Variants in DYNC2LI1 observed in about 807,000 individuals in gnomAD.
The protein encoded by DYNC2LI1 is cytoplasmic dynein 2 light intermediate chain 1.
DYNC2LI1 carries 45 observed loss-of-function variants against 51.9 expected under a neutral mutation model. That is an observed-to-expected ratio of 0.87 (90% CI 0.68 to 1.11). The LOEUF (loss-of-function observed/expected upper bound fraction) is 1.11. DYNC2LI1 is among the 50% of genes most tolerant of loss of function. The probability of loss-of-function intolerance (pLI) is 0.00; values close to 1 mark genes in which losing one functional copy is unlikely to be tolerated. For synonymous variants in DYNC2LI1, 130 were observed against 137.8 expected (o/e 0.94, Z 0.40); for missense variants, 490 against 417.4 (o/e 1.17, Z -1.51).
intron 5 of DYNC2LI1, 82 bp from the exon 6 acceptor site, chr2:43,794,375 T>A (rs995776158): frequency 1.5e-6 from 2 of 1,371,148 alleles, no homozygotes; most frequent in Non-Finnish European, 1.9e-6. Context: ...TTTTAGTTAT[T>A]CTTAGATAAA....
intron 8 of DYNC2LI1, among the ~76,000 whole-genome samples, chr2:43,799,329 C>G (rs371806625): frequency 1.3e-5 from 2 of 151,932 alleles, no homozygotes; most frequent in Admixed American, 6.6e-5. Flanking sequence ...TCCTCGCCCC[C>G]CAAAAGAACA....
intron 8 of DYNC2LI1, among the ~76,000 whole-genome samples, chr2:43,798,412 A>G (rs1487254859): frequency 1.3e-5 from 2 of 152,022 alleles, no homozygotes; most frequent in African/African-American, 4.8e-5. Flanking sequence ...CTATTTTGAG[A>G]GGATATGGGG....
chr2:43,798,706 C>T (rs1475776823), intron 8 of DYNC2LI1, among the ~76,000 whole-genome samples: 5 of 152,164 alleles, frequency 3.3e-5, no homozygotes, highest in Non-Finnish European at 7.4e-5. Context: ...TTGAGAATGG[C>T]TTCATCTCAG....
chr2:43,819,804 A>G, the DYNC2LI1 span: 2 of 1,149,530 alleles, frequency 1.7e-6, no homozygotes, highest in Non-Finnish European at 2.6e-6. Flanking sequence ...ACTATAAGGT[A>G]ATATCCATAA....
In DYNC2LI1 at chr2:43,804,703, G is replaced by A. The variant is rs762512819; in HGVS notation, c.864G>A (p.Leu288=). 6.2e-7 allele frequency: 1 copy of A among 1,604,792 alleles called. No individual in the cohort carries two copies. Among genetic ancestry groups the A allele is most frequent in the Non-Finnish European group, 8.5e-7 (1 of 1,176,824 alleles). The stretch of plus-strand genomic sequence containing the variant: ...TTCATGCCCACTCACCTATGGAGTT[G>A]TGGAAAAAAGTGTATGAAAAGCTCT... ...GKLHAHSPME[L]WKKVYEKLFP... Residue 288 remains leucine, a synonymous_variant, in exon 11 of 13, where the codon TTG becomes TTA. Coordinates refer to ENST00000260605, the MANE Select transcript of DYNC2LI1 (RefSeq NM_016008.4).
the DYNC2LI1 span, among the ~76,000 whole-genome samples, chr2:43,819,385 T>A: frequency 1.3e-5 from 2 of 152,126 alleles, no homozygotes; most frequent in South Asian, 2.1e-4. Context: ...ATATCACTAT[T>A]GATATTGATT....
Position 43,797,711 on chromosome 2 carries a change from G to A in DYNC2LI1, c.654+916G>A, listed in dbSNP as rs563148569. Among the ~76,000 whole-genome samples, 199 of 151,348 alleles carry A rather than the reference G, an allele frequency of 1.3e-3. 2 individuals are homozygous for A. The highest frequency in any genetic ancestry group is 4.6e-3 in the African/African-American group (188 of 41,270). Reference sequence around the variant, plus strand: ...ATTTTTGTATTTTTAATAGAGATGGGGTTTCACTATGTTGGCCAGGCTGGT... The same window carrying A: ...ATTTTTGTATTTTTAATAGAGATGGAGTTTCACTATGTTGGCCAGGCTGGT... On this transcript the variant is annotated intron_variant, in intron 8 of 12. Transcript: ENST00000260605.
chr2:43,811,672 G>A (rs550288252), downstream of DYNC2LI1, among the ~76,000 whole-genome samples: 16 of 151,426 alleles, frequency 1.1e-4, no homozygotes, highest in African/African-American at 3.6e-4. Context: ...TCGGCTCACT[G>A]CAACCTCCAC....
chr2:43,818,009 G>A, the DYNC2LI1 span, among the ~76,000 whole-genome samples: 1 of 152,066 alleles, frequency 6.6e-6, no homozygotes, highest in African/African-American at 2.4e-5. Context: ...AAAGCTTAAC[G>A]TTAACCTACA....
At chr2:43,821,647 T>C in the DYNC2LI1 span, among the ~76,000 whole-genome samples, 1 of 152,194 alleles carries the variant, frequency 6.6e-6, no homozygotes, top group African/African-American at 2.4e-5. Flanking sequence ...CCGCACTAAC[T>C]GGATCCCCTC....
intron 12 of DYNC2LI1, among the ~76,000 whole-genome samples, chr2:43,807,034 A>G (rs1055206092): frequency 3.3e-5 from 5 of 152,228 alleles, no homozygotes; most frequent in African/African-American, 1.2e-4. Context: ...AGCTGTAAAG[A>G]TACCCTAACA....
intron 1 of DYNC2LI1, among the ~76,000 whole-genome samples, chr2:43,776,109 A>G (rs138309300): frequency 6.6e-6 from 1 of 151,870 alleles, no homozygotes; most frequent in East Asian, 1.9e-4. Context: ...ATATGTATAC[A>G]TGTGCCATGT....
chr2:43,811,574 G>C (rs547830337), downstream of DYNC2LI1, among the ~76,000 whole-genome samples: 1 of 152,034 alleles, frequency 6.6e-6, no homozygotes, highest in Non-Finnish European at 1.5e-5. Context: ...CAATCAGAAA[G>C]AGAATCAGTA....
chr2:43,790,610 G>T (rs3792016), intron 5 of DYNC2LI1, among the ~76,000 whole-genome samples: 21,801 of 151,236 alleles, frequency 0.14, 2,131 homozygotes, highest in African/African-American at 0.26. Context: ...TAATATATGC[G>T]CTTACAGAAA....
At chr2:43,824,870 A>G in the DYNC2LI1 span, 1 of 1,612,866 alleles carries the variant, frequency 6.2e-7, no homozygotes, top group African/African-American at 1.3e-5. Context: ...ATGATGGGGA[A>G]TGTGAAAGAA....
intron 12 of DYNC2LI1, among the ~76,000 whole-genome samples, chr2:43,808,942 G>A (rs968162007): frequency 1.1e-4 from 16 of 149,234 alleles, no homozygotes; most frequent in Middle Eastern, 3.4e-3. Context: ...ATTTCTAAAA[G>A]TAAAATCACT....
intron 6 of DYNC2LI1, 91 bp from the exon 7 acceptor site, chr2:43,795,799 G>T: frequency 1.0e-6 from 1 of 986,304 alleles, no homozygotes; most frequent in South Asian, 1.3e-5. Context: ...TGAAGAGACT[G>T]AAAATGGAAT....
At chr2:43,822,442 G>C in the DYNC2LI1 span, 1 of 867,998 alleles carries the variant, frequency 1.2e-6, no homozygotes, top group African/African-American at 1.9e-5. Flanking sequence ...TCTGTTTTAA[G>C]GTTTTACATT....
chr2:43,816,041 C>G, the DYNC2LI1 span, among the ~76,000 whole-genome samples: 1 of 152,024 alleles, frequency 6.6e-6, no homozygotes, highest in Non-Finnish European at 1.5e-5. Flanking sequence ...GAGGTAGGAA[C>G]TGTGAACCTT....
Sources: gnomAD v4.1 joint callset for allele counts (sites outside exome capture counted in the v4.1 genomes callset) on GRCh38, gnomAD v4.1.1 for gene constraint, MANE v1.5 for transcripts, NCBI Gene and HGNC (gene_info 2026-07-23, HGNC 2026-07-21) for gene names.